The following MFSD6 variants were observed in gnomAD, a reference collection of about 807,000 sequenced individuals.
The protein encoded by MFSD6 is major facilitator superfamily domain-containing protein 6.
In MFSD6, 26 loss-of-function variants were observed where a neutral mutation model predicts 56.3. The observed-to-expected ratio is 0.46, with a 90% CI of 0.34 to 0.64. The LOEUF (loss-of-function observed/expected upper bound fraction) is 0.64. Ranked by LOEUF, MFSD6 falls within the 30% of genes least tolerant of loss-of-function variation. The pLI is 0.01. For missense variants in MFSD6, 750 were observed against 986.2 expected (o/e 0.76, Z 3.21); for synonymous variants, 331 against 366.9 (o/e 0.90, Z 1.12).
intron 4 of MFSD6, among the ~76,000 whole-genome samples, chr2:190,486,468 T>A (rs1489231223): frequency 6.6e-6 from 1 of 152,248 alleles, no homozygotes; most frequent in African/African-American, 2.4e-5. Flanking sequence ...GACTCTTGGC[T>A]AGAGTCTTCA....
rs1236023894 is a variant in MFSD6, at chr2:190,496,710, A to T, written c.1892-729A>T. On this transcript the variant is annotated intron_variant, in intron 6 of 7. Transcript: ENST00000392328. This position sits in a 1 kb window ranked among gnomAD's most constrained non-coding sequence, Gnocchi z 4.7. ...CACACACACACATATACATACATAC[A>T]CAATGGAATACTACTCAGCCATAAA... Among the ~76,000 whole-genome samples the T allele has an allele frequency of 1.3e-5, 2 of 152,206 alleles. No individual in the cohort carries two copies. The highest frequency in any genetic ancestry group is 2.9e-5 in the Non-Finnish European group (2 of 68,036).
chr2:190,480,749 T>C (rs1174663337), intron 4 of MFSD6, among the ~76,000 whole-genome samples: 1 of 152,196 alleles, frequency 6.6e-6, no homozygotes, highest in African/African-American at 2.4e-5. Context: ...CCACAGACTC[T>C]TGAGTTATAG....
rs116097269 is a variant in MFSD6, at chr2:190,436,519, C to T, written c.490C>T (p.Arg164Cys). Residue 164 changes from arginine to cysteine, a missense_variant, in exon 3 of 8, where the codon CGC becomes TGC. This residue lies in a region of MFSD6 where 376 missense variants were observed against 437.9 expected (regional missense o/e 0.86). Transcript: ENST00000392328. This position sits in a 1 kb window ranked among gnomAD's most constrained non-coding sequence, Gnocchi z 5.3. ...TACCTTGAGATGTGTACCAAAGATTCGCCCAACAACTCACCCCACCAATGC... is the reference window on the plus strand; with the variant it reads ...TACCTTGAGATGTGTACCAAAGATTTGCCCAACAACTCACCCCACCAATGC... Reference protein sequence around the residue: ...PATLRCVPKIRPTTHPTNASH... With the variant: ...PATLRCVPKICPTTHPTNASH... The T allele has an allele frequency of 6.7e-3, 10,767 of 1,614,200 alleles. 57 individuals are homozygous for T. The highest frequency in any genetic ancestry group is 8.5e-3 in the Non-Finnish European group (10,055 of 1,180,032).
At chr2:190,408,934 C>T (rs1690437057) in intron 1 of MFSD6, among the ~76,000 whole-genome samples, 1 of 152,222 alleles carries the variant, frequency 6.6e-6, no homozygotes, top group African/African-American at 2.4e-5. Flanking sequence ...CCCGGGCCGA[C>T]CCGCGCCCTC....
intron 3 of MFSD6, among the ~76,000 whole-genome samples, chr2:190,444,010 A>T (rs1194920487): frequency 6.6e-6 from 1 of 152,194 alleles, no homozygotes. Flanking sequence ...AGCTGTGATC[A>T]CACCACTGCA....
Position 190,436,338 on chromosome 2 carries a change from T to C in MFSD6, c.309T>C (p.Ser103=). 2 of 1,614,212 alleles carry C rather than the reference T, an allele frequency of 1.2e-6. No individual in the cohort carries two copies. The highest frequency in any genetic ancestry group is 1.7e-6 in the Non-Finnish European group (2 of 1,180,026). The part of the protein sequence containing the change: ...YKQLGMSPSQ[S]GLLVGIRYFI... ...AGCTGGGAATGTCTCCAAGCCAGAG[T>C]GGACTACTAGTAGGTATTCGTTACT... Residue 103 remains serine, a synonymous_variant, in exon 3 of 8, where the codon AGT becomes AGC. Coordinates refer to ENST00000392328, the MANE Select transcript of MFSD6 (RefSeq NM_017694.4). The surrounding 1 kb of genome is among the most constrained non-coding windows in gnomAD (Gnocchi z 5.3).
chr2:190,435,879 T>C lies in MFSD6; in HGVS notation c.-53-98T>C, dbSNP rs1686159947. On this transcript the variant is annotated intron_variant, in intron 2 of 7. Transcript: ENST00000392328. ...TGAGAATTCTCTCTTGCAATTATTA[T>C]TTTAGTTTGTAACTGCTTAATTTCC... The C allele has an allele frequency of 1.1e-5, 11 of 1,018,266 alleles. No individual in the cohort carries two copies. The South Asian group carries it at 2.2e-4, about 20-fold the overall frequency. 63.1% of individuals were successfully genotyped at this position (1,018,266 alleles called of 1,614,324 possible).
At chr2:190,448,032 C>G (rs1210892957) in intron 3 of MFSD6, among the ~76,000 whole-genome samples, 1 of 152,208 alleles carries the variant, frequency 6.6e-6, no homozygotes, top group African/African-American at 2.4e-5. Flanking sequence ...TTTTCTTTCT[C>G]TTCCATCTTC....
Position 190,490,879 on chromosome 2 carries a change from C to G in MFSD6, c.1891+1013C>G, listed in dbSNP as rs1378254791. Reference sequence around the variant, plus strand: ...TTGCTTGTTACAGAAGCCTCAGAGACAGATTTTAATCTCAATGAGTTACTC... The same window carrying G: ...TTGCTTGTTACAGAAGCCTCAGAGAGAGATTTTAATCTCAATGAGTTACTC... On this transcript the variant is annotated intron_variant, in intron 6 of 7. Coordinates refer to ENST00000392328, the MANE Select transcript of MFSD6 (RefSeq NM_017694.4). The surrounding 1 kb of genome is among the most constrained non-coding windows in gnomAD (Gnocchi z 4.5). 6.6e-6 allele frequency among the ~76,000 whole-genome samples: 1 copy of G among 152,196 alleles called. No homozygotes were observed. Among genetic ancestry groups the G allele is most frequent in the Non-Finnish European group, 1.5e-5 (1 of 68,036 alleles).
Position 190,471,456 on chromosome 2 carries a change from C to G in MFSD6, c.1630+1601C>G, listed in dbSNP as rs1408555908. Among the ~76,000 whole-genome samples the G allele has an allele frequency of 6.6e-6, 1 of 152,218 alleles. No individual in the cohort carries two copies. Among genetic ancestry groups the G allele is most frequent in the Non-Finnish European group, 1.5e-5 (1 of 68,040 alleles). On this transcript the variant is annotated intron_variant, in intron 4 of 7. Coordinates refer to ENST00000392328, the MANE Select transcript of MFSD6 (RefSeq NM_017694.4). The surrounding 1 kb of genome is among the most constrained non-coding windows in gnomAD (Gnocchi z 4.7). ...CTAGGAGATTATATCCCGCACCTGG[C>G]TTGGAGGGTCCTACGCCCACGGAGC...
Position 190,418,656 on chromosome 2 carries a change from T to C in MFSD6, c.-54+3243T>C, listed in dbSNP as rs561027459. ...CCTGTAGTCCCAGCTACTTGGGAGG[T>C]TGAGGTGGGAGGATCACTTGAGCCC... On this transcript the variant is annotated intron_variant, in intron 2 of 7. Coordinates refer to ENST00000392328, the MANE Select transcript of MFSD6 (RefSeq NM_017694.4). This position sits in a 1 kb window ranked among gnomAD's most constrained non-coding sequence, Gnocchi z 4.1. 1.3e-5 allele frequency among the ~76,000 whole-genome samples: 2 copies of C among 151,754 alleles called. No homozygotes were observed. The highest frequency in any genetic ancestry group is 2.4e-5 in the African/African-American group (1 of 41,302).
intron 3 of MFSD6, among the ~76,000 whole-genome samples, chr2:190,460,546 G>A (rs1687273393): frequency 6.6e-6 from 1 of 152,212 alleles, no homozygotes. Context: ...TTTACTGAGT[G>A]CCTGGTATGT....
intron 3 of MFSD6, among the ~76,000 whole-genome samples, chr2:190,468,896 T>G (rs1157911017): frequency 6.6e-6 from 1 of 152,030 alleles, no homozygotes; most frequent in Admixed American, 6.6e-5. Context: ...TAACAGAAAA[T>G]AGAAAACAAG....
intron 4 of MFSD6, among the ~76,000 whole-genome samples, chr2:190,470,220 T>C (rs1386923655): frequency 6.6e-6 from 1 of 152,262 alleles, no homozygotes; most frequent in Non-Finnish European, 1.5e-5. Flanking sequence ...GTAGGTTAAC[T>C]ATAGTTACTG....
In MFSD6 at chr2:190,461,778, T is replaced by A. The variant is rs1032119576; in HGVS notation, c.1533-7980T>A. On this transcript the variant is annotated intron_variant, in intron 3 of 7. Coordinates refer to ENST00000392328, the MANE Select transcript of MFSD6 (RefSeq NM_017694.4). This position sits in a 1 kb window ranked among gnomAD's most constrained non-coding sequence, Gnocchi z 5.5. ...ACATTGGTGAATTAGTTTCAACATA[T>A]GAATTTTGGAGGGTATACAGACATT... Among the ~76,000 whole-genome samples, 2 of 152,224 alleles carry A rather than the reference T, an allele frequency of 1.3e-5. No individual in the cohort carries two copies. Among genetic ancestry groups the A allele is most frequent in the South Asian group, 2.1e-4 (1 of 4,834 alleles).
rs1047589661 is a variant in MFSD6, at chr2:190,459,325, A to C, written c.1533-10433A>C. 6.6e-6 allele frequency among the ~76,000 whole-genome samples: 1 copy of C among 152,200 alleles called. No individual in the cohort carries two copies. Among genetic ancestry groups the C allele is most frequent in the African/African-American group, 2.4e-5 (1 of 41,446 alleles). Reference sequence around the variant, plus strand: ...TCGATGAACTTGTTCAGCTTCGTCAAATTTAGCTTAGGGTCAAGTAAAACT... The same window carrying C: ...TCGATGAACTTGTTCAGCTTCGTCACATTTAGCTTAGGGTCAAGTAAAACT... On this transcript the variant is annotated intron_variant, in intron 3 of 7. Coordinates refer to ENST00000392328, the MANE Select transcript of MFSD6 (RefSeq NM_017694.4). This position sits in a 1 kb window ranked among gnomAD's most constrained non-coding sequence, Gnocchi z 5.3.
chr2:190,489,081 CCAAA>C lies in MFSD6; in HGVS notation c.1792+268_1792+271del, dbSNP rs1689178495. On this transcript the variant is annotated intron_variant, in intron 5 of 7. Coordinates refer to ENST00000392328, the MANE Select transcript of MFSD6 (RefSeq NM_017694.4). The surrounding 1 kb of genome is among the most constrained non-coding windows in gnomAD (Gnocchi z 6.6). ...ATGCTACAGAGATCCCTCAAAGGAGCCAAACAAATGAATTAGCATGAGTGCTTTT... is the reference window on the plus strand; with the variant it reads ...ATGCTACAGAGATCCCTCAAAGGAGCCAAATGAATTAGCATGAGTGCTTTT... Among the ~76,000 whole-genome samples, 1 of 152,136 alleles carries C rather than the reference CCAAA, an allele frequency of 6.6e-6. No homozygotes were observed. The highest frequency in any genetic ancestry group is 1.5e-5 in the Non-Finnish European group (1 of 68,028).
chr2:190,443,471 T>C lies in MFSD6; in HGVS notation c.1532+5910T>C, dbSNP rs923025065. On this transcript the variant is annotated intron_variant, in intron 3 of 7. Transcript: ENST00000392328. The surrounding 1 kb of genome is among the most constrained non-coding windows in gnomAD (Gnocchi z 4.2). The stretch of plus-strand genomic sequence containing the variant: ...TTACTTTTTTTCTGTCAGTCTGATA[T>C]ATTATGCTGTTTATAACTACAAGAC... 3.3e-5 allele frequency among the ~76,000 whole-genome samples: 5 copies of C among 152,216 alleles called. No homozygotes were observed. Among genetic ancestry groups the C allele is most frequent in the African/African-American group, 1.2e-4 (5 of 41,456 alleles).
chr2:190,421,550 G>T (rs1685613804), intron 2 of MFSD6, among the ~76,000 whole-genome samples: 2 of 151,970 alleles, frequency 1.3e-5, no homozygotes, highest in South Asian at 4.2e-4. Flanking sequence ...TCTCTTCCCA[G>T]AGGCAACTAC....
Sources: gnomAD v4.1 joint callset for allele counts (sites outside exome capture counted in the v4.1 genomes callset) on GRCh38, gnomAD v4.1.1 for gene constraint, gnomAD v4.1.1 regional missense constraint, Gnocchi (gnomAD v3.1) non-coding constraint, MANE v1.5 for transcripts, NCBI Gene and HGNC (gene_info 2026-07-23, HGNC 2026-07-21) for gene names.